DPP10: variants seen among roughly 807,000 people sequenced by gnomAD.
DPP10 encodes the protein dipeptidyl peptidase like 10.
A neutral mutation model predicts 120.9 loss-of-function variants in DPP10; 33 were observed. The observed-to-expected ratio is 0.27, with a 90% CI of 0.21 to 0.37. The LOEUF (loss-of-function observed/expected upper bound fraction) is 0.37. Ranked by LOEUF, DPP10 falls within the 10% of genes least tolerant of loss-of-function variation. DPP10 has a pLI of 1.00. For synonymous variants in DPP10, 337 were observed against 326.1 expected (o/e 1.03, Z -0.36); for missense variants, 816 against 942.8 (o/e 0.87, Z 1.76).
At chr2:115,320,895 C>T (rs2062025398) in intron 2 of DPP10, among the ~76,000 whole-genome samples, 1 of 152,088 alleles carries the variant, frequency 6.6e-6, no homozygotes, top group Non-Finnish European at 1.5e-5. Flanking sequence ...GAGGGCAGTT[C>T]TACTTATTGC....
Position 115,419,710 on chromosome 2 carries a change from T to C in DPP10, c.271+75798T>C, listed in dbSNP as rs565804388. On this transcript the variant is annotated intron_variant, in intron 3 of 25. Coordinates refer to ENST00000410059, the MANE Select transcript of DPP10 (RefSeq NM_020868.6). ...CACTTCTTTAAAAATAGGTGATATC[T>C]CTCTATTCCTGATGACTTAAATAAG... 2.0e-5 allele frequency among the ~76,000 whole-genome samples: 3 copies of C among 152,258 alleles called. No homozygotes were observed. In the South Asian group the frequency reaches 6.2e-4, roughly 32 times the overall value.
intron 1 of DPP10, among the ~76,000 whole-genome samples, chr2:114,513,451 G>A (rs1684322555): frequency 2.7e-5 from 4 of 150,278 alleles, no homozygotes; most frequent in African/African-American, 9.8e-5. Flanking sequence ...AAACCGGAAG[G>A]CAGAGGTGGC....
intron 1 of DPP10, among the ~76,000 whole-genome samples, chr2:114,766,913 G>T (rs114458544): frequency 0.011 from 1,682 of 151,160 alleles, 33 homozygotes; most frequent in African/African-American, 0.039. Flanking sequence ...ACACACACAC[G>T]CACACACATA....
chr2:115,152,016 G>GT (rs1457699464), intron 1 of DPP10, among the ~76,000 whole-genome samples: 1 of 150,916 alleles, frequency 6.6e-6, no homozygotes, highest in South Asian at 2.1e-4. Context: ...TCTGATTAAT[G>GT]TTTTTTTCAT....
At chr2:115,382,435 C>T (rs1244904152) in intron 3 of DPP10, among the ~76,000 whole-genome samples, 2 of 152,196 alleles carry the variant, frequency 1.3e-5, no homozygotes, top group Non-Finnish European at 1.5e-5. Context: ...AGTGCGCGCA[C>T]CCACTGACCT....
chr2:115,373,827 C>T (rs938252143), intron 3 of DPP10, among the ~76,000 whole-genome samples: 5 of 151,220 alleles, frequency 3.3e-5, no homozygotes, highest in Admixed American at 2.6e-4. Flanking sequence ...CTTCAGGAAA[C>T]TTACAATTCG....
chr2:115,678,060 CAAGT>C (rs1335723155), intron 5 of DPP10, among the ~76,000 whole-genome samples: 1 of 152,092 alleles, frequency 6.6e-6, no homozygotes, highest in African/African-American at 2.4e-5. Context: ...AAAATTATAT[CAAGT>C]AAGAGGAAGC....
chr2:114,753,928 AAAAAG>A (rs1558705737), intron 1 of DPP10, among the ~76,000 whole-genome samples: 7 of 150,610 alleles, frequency 4.6e-5, no homozygotes, highest in African/African-American at 1.5e-4. Flanking sequence ...AAAAAAAAAA[AAAAAG>A]AAAAGAAATA....
intron 1 of DPP10, among the ~76,000 whole-genome samples, chr2:114,991,908 G>A (rs948169132): frequency 4.6e-5 from 7 of 152,164 alleles, no homozygotes; most frequent in Non-Finnish European, 5.9e-5. Flanking sequence ...CTTAGCTGTA[G>A]CAGAAATAAG....
At chr2:115,492,521 A>G (rs2076177710) in intron 3 of DPP10, among the ~76,000 whole-genome samples, 1 of 152,140 alleles carries the variant, frequency 6.6e-6, no homozygotes, top group South Asian at 2.1e-4. Flanking sequence ...GTTCTGAGAA[A>G]GATATATTTA....
chr2:114,648,852 A>G (rs1406897834), intron 1 of DPP10, among the ~76,000 whole-genome samples: 1 of 152,360 alleles, frequency 6.6e-6, no homozygotes, highest in East Asian at 1.9e-4. Flanking sequence ...TGAAGCCACT[A>G]TCCATTTAAG....
chr2:114,657,344 T>G (rs1573901264), intron 1 of DPP10, among the ~76,000 whole-genome samples: 1 of 152,192 alleles, frequency 6.6e-6, no homozygotes, highest in South Asian at 2.1e-4. Context: ...TCTTCCCCAT[T>G]ATGTTTCAAA....
At chr2:115,794,995 C>G (rs1684388510) in intron 19 of DPP10, among the ~76,000 whole-genome samples, 1 of 152,098 alleles carries the variant, frequency 6.6e-6, no homozygotes, top group Non-Finnish European at 1.5e-5. Flanking sequence ...TGGGTTTGTT[C>G]AGTCTATCTC....
At chr2:114,475,486 C>CCTCTCTCTCTGTCT (rs1157410975) in intron 1 of DPP10, among the ~76,000 whole-genome samples, 2 of 151,796 alleles carry the variant, frequency 1.3e-5, no homozygotes, top group Non-Finnish European at 2.9e-5. Flanking sequence ...TCTCTCTGCC[C>CCTCTCTCTCTGTCT]CTCTCTCTCT....
intron 3 of DPP10, among the ~76,000 whole-genome samples, chr2:115,348,828 C>T (rs2063844524): frequency 1.3e-5 from 2 of 152,082 alleles, no homozygotes; most frequent in Admixed American, 6.6e-5. Context: ...TTTGACAACA[C>T]CTGCTCAGTG....
intron 1 of DPP10, among the ~76,000 whole-genome samples, chr2:114,690,470 G>C (rs1699664457): frequency 6.6e-6 from 1 of 152,088 alleles, no homozygotes; most frequent in Non-Finnish European, 1.5e-5. Context: ...GTACCATGCT[G>C]TTTTGGTTAC....
intron 1 of DPP10, among the ~76,000 whole-genome samples, chr2:115,228,546 A>G (rs2057563454): frequency 6.6e-6 from 1 of 152,040 alleles, no homozygotes; most frequent in African/African-American, 2.4e-5. Flanking sequence ...GCCTCTGGTA[A>G]CCATCATTCT....
At chr2:114,911,675 A>G (rs1694379604) in intron 1 of DPP10, among the ~76,000 whole-genome samples, 1 of 152,244 alleles carries the variant, frequency 6.6e-6, no homozygotes, top group African/African-American at 2.4e-5. Flanking sequence ...GGGAACAATT[A>G]TGCCAAAAGC....
chr2:114,802,232 C>T (rs1279405552), intron 1 of DPP10, among the ~76,000 whole-genome samples: 1 of 152,064 alleles, frequency 6.6e-6, no homozygotes, highest in African/African-American at 2.4e-5. Context: ...GGGTGTTTCA[C>T]AGTTGTGCAT....
Sources: gnomAD v4.1 joint callset for allele counts (sites outside exome capture counted in the v4.1 genomes callset) on GRCh38, gnomAD v4.1.1 for gene constraint, MANE v1.5 for transcripts, NCBI Gene and HGNC (gene_info 2026-07-23, HGNC 2026-07-21) for gene names.